Variants in SLX4IP observed in about 807,000 individuals in gnomAD.
SLX4IP encodes protein SLX4IP.
SLX4IP carries 34 observed loss-of-function variants against 32.9 expected under a neutral mutation model. The observed-to-expected ratio is 1.03, with a 90% CI of 0.79 to 1.38. SLX4IP has a LOEUF of 1.38. SLX4IP is among the 40% of genes most tolerant of loss of function. The probability of loss-of-function intolerance (pLI) is 0.00; values close to 1 mark genes in which losing one functional copy is unlikely to be tolerated. For synonymous variants in SLX4IP, 172 were observed against 171.7 expected, an observed-to-expected ratio of 1.00 and a Z score of -0.01; for missense variants, 444 against 479.0, an observed-to-expected ratio of 0.93 and a Z score of 0.68.
chr20:10,450,432 A>G (rs2065232142), intron 1 of SLX4IP, among the ~76,000 whole-genome samples: 1 of 152,234 alleles, frequency 6.6e-6, no homozygotes, highest in African/African-American at 2.4e-5. Context: ...CTTTATATAC[A>G]TTGTTTTTAA....
intron 1 of SLX4IP, among the ~76,000 whole-genome samples, chr20:10,446,302 C>T (rs1291232061): frequency 2.0e-5 from 3 of 150,806 alleles, no homozygotes; most frequent in Non-Finnish European, 4.4e-5. Flanking sequence ...ATCCCAGCTA[C>T]TTGGGAGGCT....
intron 2 of SLX4IP, among the ~76,000 whole-genome samples, chr20:10,546,148 A>G (rs530404466): frequency 5.9e-5 from 9 of 152,304 alleles, no homozygotes; most frequent in Admixed American, 3.9e-4. Flanking sequence ...TTGATCCAGA[A>G]CATGCTCCTG....
Position 10,621,342 on chromosome 20 carries a change from ATTACT to A in SLX4IP, c.437_441del (p.Tyr146CysfsTer2). 1.2e-5 allele frequency: 19 copies of A among 1,614,186 alleles called. No homozygotes were observed. Among genetic ancestry groups the A allele is most frequent in the Non-Finnish European group, 1.6e-5 (19 of 1,180,022 alleles). ...GAAAGAGTTCTCCATGGAGTGTCTG[ATTACT>A]TTGCTGAGTGTGCAGAGAGTTCACT... On this transcript the variant is annotated frameshift_variant, in exon 7 of 8. Transcript: ENST00000334534. LOFTEE classifies it high-confidence loss of function.
rs1416216123 is a variant in SLX4IP, at chr20:10,459,715, T to C, written c.27+1484T>C. On this transcript the variant is annotated intron_variant, in intron 2 of 7. Coordinates refer to ENST00000334534, the MANE Select transcript of SLX4IP (RefSeq NM_001009608.3). ...CTGGTTGCCCTCTTTCATTTTCCTC[T>C]TATAAATGTCCCTTGTTTGTTCCTT... Among the ~76,000 whole-genome samples, 10 of 152,316 alleles carry C rather than the reference T, an allele frequency of 6.6e-5. No individual in the cohort carries two copies. In the East Asian group the frequency reaches 1.9e-3, roughly 29 times the overall value.
chr20:10,532,165 C>T (rs118122994), intron 2 of SLX4IP, among the ~76,000 whole-genome samples: 1,599 of 151,954 alleles, frequency 0.011, 15 homozygotes, highest in Middle Eastern at 0.041. Flanking sequence ...AAATGATCCA[C>T]GGTGGTATGG....
At chr20:10,469,965 A>T (rs1478909103) in intron 2 of SLX4IP, among the ~76,000 whole-genome samples, 3 of 152,216 alleles carry the variant, frequency 2.0e-5, no homozygotes, top group African/African-American at 7.2e-5. Flanking sequence ...AACGACGAAA[A>T]CTATCCAAAG....
intron 6 of SLX4IP, chr20:10,614,010 C>T: frequency 1.5e-6 from 2 of 1,320,324 alleles, no homozygotes; most frequent in East Asian, 2.3e-5. Flanking sequence ...TTCTCTGTCA[C>T]CGAGAATGGA....
At chr20:10,509,231 C>G (rs1449179516) in intron 2 of SLX4IP, among the ~76,000 whole-genome samples, 1 of 152,148 alleles carries the variant, frequency 6.6e-6, no homozygotes, top group Non-Finnish European at 1.5e-5. Context: ...AATTGTTGTT[C>G]CCGGGTCTTT....
At chr20:10,459,671 G>A (rs2065319715) in intron 2 of SLX4IP, among the ~76,000 whole-genome samples, 1 of 152,182 alleles carries the variant, frequency 6.6e-6, no homozygotes, top group Non-Finnish European at 1.5e-5. Context: ...CTGGGTAAAT[G>A]CCAGGAGAGT....
chr20:10,556,316 A>C lies in SLX4IP; in HGVS notation c.113A>C (p.Lys38Thr), dbSNP rs895644881. The stretch of plus-strand genomic sequence containing the variant: ...ACAAGCTGGTTTTCTGAACAGAAGA[A>C]AGAGGTACAACAAAACTTTCTACTA... ...KDTSWFSEQKKEEVCLLLKET... is the reference protein window; with the variant it reads ...KDTSWFSEQKTEEVCLLLKET... Residue 38 changes from lysine to threonine, a missense_variant, in exon 3 of 8, where the codon AAA (lysine) becomes ACA (threonine). Physicochemically the swap from Lys to Thr is moderately conservative, Grantham distance 78 (BLOSUM62 -1). Transcript: ENST00000334534. 7.4e-6 allele frequency: 12 copies of C among 1,612,894 alleles called. No homozygotes were observed. In the Middle Eastern group the frequency reaches 5.0e-4, roughly 67 times the overall value.
intron 2 of SLX4IP, among the ~76,000 whole-genome samples, chr20:10,541,639 A>G (rs1160659132): frequency 6.6e-6 from 1 of 152,350 alleles, no homozygotes; most frequent in South Asian, 2.1e-4. Context: ...GAACATGTGC[A>G]TCATCACAGA....
Position 10,623,271 on chromosome 20 carries a change from T to A in SLX4IP, c.1119T>A (p.Asn373Lys). The change falls in exon 8 of 8, where the codon AAT (asparagine) becomes AAA (lysine). Residue 373 changes from asparagine to lysine, a missense_variant. Physicochemically the swap from Asn to Lys is moderately conservative, Grantham distance 94. Coordinates refer to ENST00000334534, the MANE Select transcript of SLX4IP (RefSeq NM_001009608.3). ...TCTCCTCCAGACATCTTATGAAAAA[T>A]AACCCAGGGCAGGCACAGCAAACCG... ...ESLSSRHLMK[N>K]NPGQAQQTGL... 1 of 1,613,992 alleles carries A rather than the reference T, an allele frequency of 6.2e-7. No individual in the cohort carries two copies. Among genetic ancestry groups the A allele is most frequent in the Non-Finnish European group, 8.5e-7 (1 of 1,180,008 alleles).
At chr20:10,610,077 T>C (rs1156243975) in intron 6 of SLX4IP, among the ~76,000 whole-genome samples, 1 of 152,220 alleles carries the variant, frequency 6.6e-6, no homozygotes, top group Non-Finnish European at 1.5e-5. Flanking sequence ...TTTGTCACAC[T>C]TGTTTGGCAC....
At chr20:10,458,426 CAT>C (rs994202681) in intron 2 of SLX4IP, among the ~76,000 whole-genome samples, 195 bp downstream of exon 2, 2 of 151,958 alleles carry the variant, frequency 1.3e-5, no homozygotes, top group African/African-American at 2.4e-5. Flanking sequence ...CATAGGTAAA[CAT>C]GTGCCACAGT....
intron 2 of SLX4IP, among the ~76,000 whole-genome samples, chr20:10,549,007 T>C (rs766352569): frequency 3.3e-5 from 5 of 152,328 alleles, no homozygotes; most frequent in Non-Finnish European, 7.3e-5. Context: ...CCCTTTCTTA[T>C]ATGTAAACTA....
chr20:10,614,146 C>T (rs1031739772), intron 6 of SLX4IP: 4 of 1,102,844 alleles, frequency 3.6e-6, no homozygotes, highest in African/African-American at 1.6e-5. Flanking sequence ...TCGGAGGCCT[C>T]GCGTTGCACG....
chr20:10,491,856 A>G (rs979885591), intron 2 of SLX4IP, among the ~76,000 whole-genome samples: 1 of 152,198 alleles, frequency 6.6e-6, no homozygotes, highest in Non-Finnish European at 1.5e-5. Flanking sequence ...CACTTACCCC[A>G]GAAGTAACAG....
In SLX4IP at chr20:10,622,869, G is replaced by C; in HGVS notation, c.717G>C (p.Lys239Asn). Reference protein sequence around the residue: ...AESHWGLPVQKLEKVNQTQPE... With the variant: ...AESHWGLPVQNLEKVNQTQPE... ...GCCACTGGGGGCTTCCTGTTCAAAA[G>C]CTGGAAAAAGTTAATCAGACCCAGC... The change falls in exon 8 of 8, where the codon AAG becomes AAC. Residue 239 changes from lysine (K) to asparagine (N), a missense_variant. Coordinates refer to ENST00000334534, the MANE Select transcript of SLX4IP (RefSeq NM_001009608.3). 1 of 1,614,046 alleles carries C rather than the reference G, an allele frequency of 6.2e-7. No individual in the cohort carries two copies. Among genetic ancestry groups the C allele is most frequent in the Non-Finnish European group, 8.5e-7 (1 of 1,180,000 alleles).
In SLX4IP at chr20:10,624,094, G is replaced by T. The variant is rs1972255020; in HGVS notation, c.*715G>T. On this transcript the variant is annotated 3_prime_UTR_variant, in exon 8 of 8. Coordinates refer to ENST00000334534, the MANE Select transcript of SLX4IP (RefSeq NM_001009608.3). ...TCCCTCAAACTCGTAAAACACTTGG[G>T]TTTGGTGTATGGGTCACTCTCTTCC... is the stretch of plus-strand genomic sequence containing the variant. 6.6e-6 allele frequency: 1 copy of T among 152,192 alleles called. No homozygotes were observed. Among genetic ancestry groups the T allele is most frequent in the Non-Finnish European group, 1.5e-5 (1 of 68,082 alleles). 9.4% of individuals were successfully genotyped at this position (152,192 alleles called of 1,614,324 possible). A position where few individuals can be genotyped will look rare whatever the true frequency, so the allele number is the denominator to read the frequency against.
Sources: gnomAD v4.1 joint callset for allele counts (sites outside exome capture counted in the v4.1 genomes callset) on GRCh38, gnomAD v4.1.1 for gene constraint, MANE v1.5 for transcripts, NCBI Gene and HGNC (gene_info 2026-07-23, HGNC 2026-07-21) for gene names.